PTPRM: variants seen among roughly 807,000 people sequenced by gnomAD.
PTPRM encodes receptor-type tyrosine-protein phosphatase mu.
In PTPRM, 47 loss-of-function variants were observed where a neutral mutation model predicts 186.7. The ratio of observed to expected loss-of-function variants is 0.25; its 90% confidence interval spans 0.20 to 0.32. PTPRM has a LOEUF of 0.32. Among genes scored for constraint, PTPRM ranks in the 10% least tolerant of loss-of-function variants. The pLI is 1.00. For synonymous variants in PTPRM, 668 were observed against 674.9 expected, an observed-to-expected ratio of 0.99 and a Z score of 0.16; for missense variants, 1,494 against 1,865.0, an observed-to-expected ratio of 0.80 and a Z score of 3.66.
chr18:8,093,670 A>G (rs2090871875), intron 11 of PTPRM, among the ~76,000 whole-genome samples: 1 of 152,180 alleles, frequency 6.6e-6, no homozygotes, highest in Non-Finnish European at 1.5e-5. Flanking sequence ...ATAATAACTC[A>G]GAAAAAAAAA....
chr18:7,651,592 A>G (rs2144281443), intron 1 of PTPRM, among the ~76,000 whole-genome samples: 1 of 152,102 alleles, frequency 6.6e-6, no homozygotes, highest in East Asian at 1.9e-4. Flanking sequence ...CTCAGAAATA[A>G]TGCCGCATAT....
At chr18:7,809,216 G>T (rs2044382879) in intron 2 of PTPRM, among the ~76,000 whole-genome samples, 1 of 152,110 alleles carries the variant, frequency 6.6e-6, no homozygotes, top group Non-Finnish European at 1.5e-5. Context: ...GTAGGAGGCG[G>T]CAGGCAAGAG....
In PTPRM at chr18:8,345,264, A is replaced by G. The variant is rs1417490248; in HGVS notation, c.3054+1744A>G. The stretch of plus-strand genomic sequence containing the variant: ...AAAAAAAAGGAAATAATAAACATGA[A>G]TAGAAATTTATTAACTAAACAGCAC... On this transcript the variant is annotated intron_variant, in intron 23 of 32. Coordinates refer to ENST00000580170, the MANE Select transcript of PTPRM (RefSeq NM_001105244.2). Among the ~76,000 whole-genome samples, 6 of 152,278 alleles carry G rather than the reference A, an allele frequency of 3.9e-5. 1 individual carries two copies. In the East Asian group the frequency reaches 9.6e-4, roughly 24 times the overall value.
At chr18:7,773,393 CT>C (rs1228576246) in intron 1 of PTPRM, among the ~76,000 whole-genome samples, 5 of 151,990 alleles carry the variant, frequency 3.3e-5, no homozygotes, top group African/African-American at 9.7e-5. Context: ...GAAAGCATTT[CT>C]TTTTTCATTT....
intron 2 of PTPRM, among the ~76,000 whole-genome samples, chr18:7,782,640 C>G (rs2042912629): frequency 6.6e-6 from 1 of 152,180 alleles, no homozygotes; most frequent in Admixed American, 6.5e-5. Context: ...CTTTCTGTCT[C>G]TATGAATTTG....
chr18:8,028,987 TGTAGG>T (rs2085759136), intron 7 of PTPRM, among the ~76,000 whole-genome samples: 1 of 152,244 alleles, frequency 6.6e-6, no homozygotes, highest in African/African-American at 2.4e-5. Context: ...GAAATGAATG[TGTAGG>T]TCTTTCATTC....
chr18:7,933,746 G>A (rs149037601), intron 5 of PTPRM, among the ~76,000 whole-genome samples: 162 of 152,294 alleles, frequency 1.1e-3, no homozygotes, highest in African/African-American at 3.8e-3. Context: ...AGAGGAAATC[G>A]TTTCTCTCTG....
intron 23 of PTPRM, among the ~76,000 whole-genome samples, chr18:8,345,547 G>T (rs889828689): frequency 6.6e-6 from 1 of 151,842 alleles, no homozygotes; most frequent in African/African-American, 2.4e-5. Context: ...TCTTAAACTC[G>T]AATTCTGGTT....
intron 22 of PTPRM, among the ~76,000 whole-genome samples, chr18:8,320,795 G>A (rs1464502124): frequency 2.6e-5 from 4 of 152,168 alleles, no homozygotes; most frequent in African/African-American, 9.7e-5. Context: ...AGCTCCCACT[G>A]TCTTTCATCA....
intron 29 of PTPRM, among the ~76,000 whole-genome samples, chr18:8,382,378 CA>C (rs1288915396): frequency 6.6e-6 from 1 of 152,010 alleles, no homozygotes; most frequent in Non-Finnish European, 1.5e-5. Context: ...TAAGCTCAGG[CA>C]GTAGAAAAAT....
chr18:8,149,533 C>T (rs1240492067), intron 14 of PTPRM, among the ~76,000 whole-genome samples: 1 of 152,130 alleles, frequency 6.6e-6, no homozygotes, highest in African/African-American at 2.4e-5. Flanking sequence ...TTATTTTGAG[C>T]CGTGTGCATC....
chr18:8,093,064 G>A (rs990796466), intron 11 of PTPRM, among the ~76,000 whole-genome samples: 1 of 151,860 alleles, frequency 6.6e-6, no homozygotes, highest in African/African-American at 2.4e-5. Flanking sequence ...CAGAAATTAT[G>A]GTTGTTGGCA....
At chr18:7,707,380 C>G (rs909494472) in intron 1 of PTPRM, among the ~76,000 whole-genome samples, 1 of 152,064 alleles carries the variant, frequency 6.6e-6, no homozygotes, top group African/African-American at 2.4e-5. Context: ...CTTATAATAA[C>G]AGCACTTTGG....
At position 7,786,490 on chromosome 18, in the gene PTPRM, C is replaced by T. The variant is rs79635569; in HGVS notation, c.196+12219C>T. On this transcript the variant is annotated intron_variant, in intron 2 of 32. Coordinates refer to ENST00000580170, the MANE Select transcript of PTPRM (RefSeq NM_001105244.2). ...GGTATCTTTTATATTTATTCTGTTA[C>T]CCATAGAAAATGCATAAAAAATTGA... 2.9e-3 allele frequency among the ~76,000 whole-genome samples: 437 copies of T among 152,194 alleles called. 2 individuals carry two copies. Among genetic ancestry groups the T allele is most frequent in the Non-Finnish European group, 4.4e-3 (296 of 68,006 alleles).
intron 1 of PTPRM, among the ~76,000 whole-genome samples, chr18:7,649,371 A>G (rs1320396353): frequency 6.6e-6 from 1 of 152,210 alleles, no homozygotes; most frequent in African/African-American, 2.4e-5. Context: ...TTGTACTTCC[A>G]AGTCTTATTG....
chr18:8,103,667 T>C (rs1253019416), intron 11 of PTPRM, among the ~76,000 whole-genome samples: 5 of 152,228 alleles, frequency 3.3e-5, no homozygotes, highest in African/African-American at 9.6e-5. Context: ...CCACTAACAC[T>C]TTCTCCATAT....
intron 6 of PTPRM, among the ~76,000 whole-genome samples, chr18:7,949,639 A>T (rs1568060807): frequency 6.6e-6 from 1 of 152,088 alleles, no homozygotes; most frequent in Non-Finnish European, 1.5e-5. Flanking sequence ...CAACTTATAA[A>T]TTTTTTTTAA....
At chr18:7,632,314 C>A (rs1488911744) in intron 1 of PTPRM, among the ~76,000 whole-genome samples, 1 of 152,196 alleles carries the variant, frequency 6.6e-6, no homozygotes, top group African/African-American at 2.4e-5. Flanking sequence ...GTTATATGCT[C>A]ATTTTAGAGA....
chr18:7,672,566 C>G (rs2039242402), intron 1 of PTPRM, among the ~76,000 whole-genome samples: 1 of 152,130 alleles, frequency 6.6e-6, no homozygotes, highest in African/African-American at 2.4e-5. Context: ...TAAAGAATAC[C>G]TGCCAAATAG....
Sources: gnomAD v4.1 joint callset for allele counts (sites outside exome capture counted in the v4.1 genomes callset) on GRCh38, gnomAD v4.1.1 for gene constraint, MANE v1.5 for transcripts, NCBI Gene and HGNC (gene_info 2026-07-23, HGNC 2026-07-21) for gene names.